FANCC: variants seen among roughly 807,000 people sequenced by gnomAD.
FANCC encodes Fanconi anemia group C protein.
In FANCC, 55 loss-of-function variants were observed where a neutral mutation model predicts 71.3. The observed-to-expected ratio is 0.77, with a 90% CI of 0.62 to 0.97. The LOEUF (loss-of-function observed/expected upper bound fraction) is 0.97. FANCC is among the 50% of genes least tolerant of loss of function. The pLI is 0.00. For missense variants in FANCC, 678 were observed against 670.9 expected, an observed-to-expected ratio of 1.01 and a Z score of -0.12; for synonymous variants, 275 against 244.9, an observed-to-expected ratio of 1.12 and a Z score of -1.15.
intron 1 of FANCC, among the ~76,000 whole-genome samples, chr9:95,265,521 T>TA (rs1164706259): frequency 6.6e-6 from 1 of 152,168 alleles, no homozygotes. Context: ...ACTTGAAAAA[T>TA]ACCAGCCTTC....
At position 95,149,754 on chromosome 9, in the gene FANCC, C is replaced by T. The variant is rs139424828; in HGVS notation, c.686+169G>A. Among the ~76,000 whole-genome samples, 2,076 of 152,150 alleles carry T rather than the reference C, an allele frequency of 0.014. 57 individuals carry two copies. Among genetic ancestry groups the T allele is most frequent in the African/African-American group, 0.047 (1,937 of 41,438 alleles). ...TTGGCCTCCCAAAGTGCTGGGATTACAGGTGTGAGCCACCACACCTGGCCG... is the reference window on the plus strand; with the variant it reads ...TTGGCCTCCCAAAGTGCTGGGATTATAGGTGTGAGCCACCACACCTGGCCG... On this transcript the variant is annotated intron_variant, in intron 7 of 14. Transcript: ENST00000289081.
At chr9:95,227,914 T>C (rs1237817609) in intron 4 of FANCC, among the ~76,000 whole-genome samples, 2 of 152,196 alleles carry the variant, frequency 1.3e-5, no homozygotes, top group African/African-American at 2.4e-5. Flanking sequence ...CTCTGCTCAC[T>C]TGGGGCCTTG....
At position 95,100,419 on chromosome 9, in the gene FANCC, A is replaced by G. The variant is rs4647554; in HGVS notation, c.*1288T>C. The G allele has an allele frequency of 0.45, 102,963 of 230,744 alleles. 23,509 individuals are homozygous for G. The highest frequency in any genetic ancestry group is 0.57 in the East Asian group (9,283 of 16,280). The allele number at this position is 230,744 out of a possible 1,614,324, so 14.3% of individuals were successfully genotyped here. On this transcript the variant is annotated 3_prime_UTR_variant, in exon 15 of 15. Coordinates refer to ENST00000289081, the MANE Select transcript of FANCC (RefSeq NM_000136.3). Reference sequence around the variant, plus strand: ...AAATAAGGAATTTCCCTAAAGGTTAACTTCTAATCCAGCAAAACTTTGCTC... The same window carrying G: ...AAATAAGGAATTTCCCTAAAGGTTAGCTTCTAATCCAGCAAAACTTTGCTC...
chr9:95,239,763 C>CA (rs4647444), intron 4 of FANCC, among the ~76,000 whole-genome samples: 6 of 152,208 alleles, frequency 3.9e-5, no homozygotes, highest in African/African-American at 1.4e-4. Context: ...TCTTCATCAT[C>CA]TGTTAGCAAT....
chr9:95,262,144 T>C (rs1832089619), intron 1 of FANCC, among the ~76,000 whole-genome samples: 1 of 151,882 alleles, frequency 6.6e-6, no homozygotes, highest in Non-Finnish European at 1.5e-5. Context: ...CGAGATAACA[T>C]GGCTCAGATT....
At chr9:95,204,445 T>TG (rs1179932537) in intron 4 of FANCC, among the ~76,000 whole-genome samples, 3 of 152,190 alleles carry the variant, frequency 2.0e-5, no homozygotes, top group African/African-American at 7.2e-5. Flanking sequence ...GCAGCCCACT[T>TG]GGTGGGAACC....
At chr9:95,235,601 T>C (rs1830271415) in intron 4 of FANCC, among the ~76,000 whole-genome samples, 1 of 151,912 alleles carries the variant, frequency 6.6e-6, no homozygotes, top group Admixed American at 6.6e-5. Flanking sequence ...TCCCAGCACT[T>C]TGGGAGGCTG....
chr9:95,164,440 T>C (rs1588208801), intron 6 of FANCC, among the ~76,000 whole-genome samples: 1 of 152,332 alleles, frequency 6.6e-6, no homozygotes, highest in South Asian at 2.1e-4. Context: ...ATTTTTCAAA[T>C]ATGGCCTTTA....
At chr9:95,279,504 TAA>T (rs777391112) in intron 1 of FANCC, among the ~76,000 whole-genome samples, 8 of 113,034 alleles carry the variant, frequency 7.1e-5, no homozygotes, top group African/African-American at 1.3e-4. Context: ...AGACCCTGTC[TAA>T]AAAAAAAAAA....
At chr9:95,152,236 G>A (rs112878102) in intron 6 of FANCC, among the ~76,000 whole-genome samples, 5 of 152,278 alleles carry the variant, frequency 3.3e-5, no homozygotes, top group Non-Finnish European at 7.4e-5. Context: ...TCTGTTTGAG[G>A]TGTACATGAC....
intron 14 of FANCC, among the ~76,000 whole-genome samples, chr9:95,104,856 C>T (rs1043517248): frequency 6.6e-6 from 1 of 152,184 alleles, no homozygotes; most frequent in African/African-American, 2.4e-5. Context: ...CATCTCCCCA[C>T]TGCCCCTCCC....
At chr9:95,103,727 A>G (rs2071230603) in intron 14 of FANCC, among the ~76,000 whole-genome samples, 2 of 152,224 alleles carry the variant, frequency 1.3e-5, no homozygotes, top group Admixed American at 6.5e-5. Flanking sequence ...ATTCCGGGAC[A>G]GCCGGGGAGT....
intron 7 of FANCC, among the ~76,000 whole-genome samples, chr9:95,138,620 C>A (rs1299284706): frequency 6.6e-6 from 1 of 152,214 alleles, no homozygotes; most frequent in Non-Finnish European, 1.5e-5. Context: ...CTGTATGTCA[C>A]TGGAAAGGCG....
In FANCC at chr9:95,281,416, A is replaced by G. The variant is rs187938880; in HGVS notation, c.-78-32047T>C. 1.2e-3 allele frequency among the ~76,000 whole-genome samples: 181 copies of G among 152,206 alleles called. 1 individual carries two copies. The highest frequency in any genetic ancestry group is 1.9e-3 in the Non-Finnish European group (132 of 67,966). On this transcript the variant is annotated intron_variant, in intron 1 of 14. Transcript: ENST00000289081. ...AAAGAAAAAAAAATTAAAACTATCAACCAGGAATATTACACCTACCAAAGC... is the reference window on the plus strand; with the variant it reads ...AAAGAAAAAAAAATTAAAACTATCAGCCAGGAATATTACACCTACCAAAGC...
At chr9:95,121,253 A>G (rs2072856379) in intron 10 of FANCC, among the ~76,000 whole-genome samples, 1 of 152,180 alleles carries the variant, frequency 6.6e-6, no homozygotes, top group South Asian at 2.1e-4. Context: ...GTGGCTTGTC[A>G]CACCCATTTC....
intron 1 of FANCC, among the ~76,000 whole-genome samples, chr9:95,269,204 C>T (rs1286865794): frequency 6.6e-6 from 1 of 152,102 alleles, no homozygotes; most frequent in Non-Finnish European, 1.5e-5. Context: ...TGAATACTGC[C>T]ATTTCTAGAT....
chr9:95,302,329 TA>T (rs1730595243), intron 1 of FANCC, among the ~76,000 whole-genome samples: 1 of 152,142 alleles, frequency 6.6e-6, no homozygotes, highest in South Asian at 2.1e-4. Context: ...CCGGCGTCAC[TA>T]TTCACTAGTT....
intron 1 of FANCC, among the ~76,000 whole-genome samples, chr9:95,289,910 C>T (rs1400898021): frequency 1.3e-5 from 2 of 152,212 alleles, no homozygotes; most frequent in African/African-American, 2.4e-5. Context: ...CCTCCTGCCT[C>T]AGCCTCCCAA....
chr9:95,309,116 C>T (rs1356982600), intron 1 of FANCC, among the ~76,000 whole-genome samples: 1 of 152,148 alleles, frequency 6.6e-6, no homozygotes, highest in Non-Finnish European at 1.5e-5. Flanking sequence ...TCTGTTACTC[C>T]TAAAACTGGC....
Sources: allele counts gnomAD v4.1 joint callset (sites outside exome capture counted in the v4.1 genomes callset), GRCh38; gene constraint gnomAD v4.1.1; transcripts MANE v1.5; gene names NCBI Gene and HGNC (gene_info 2026-07-23, HGNC 2026-07-21).